Variants in SERPINA12 observed in about 807,000 individuals in gnomAD.
SERPINA12 encodes the protein serpin A12.
SERPINA12 carries 21 observed loss-of-function variants against 25.9 expected under a neutral mutation model. The ratio of observed to expected loss-of-function variants is 0.81; its 90% CI spans 0.58 to 1.17. SERPINA12 has a LOEUF of 1.17. SERPINA12 is among the 50% of genes most tolerant of loss of function. The pLI is 0.00. For synonymous variants in SERPINA12, 220 were observed against 196.0 expected, an observed-to-expected ratio of 1.12 and a Z score of -1.02; for missense variants, 562 against 508.3, an observed-to-expected ratio of 1.11 and a Z score of -1.02.
At chr14:94,496,692 G>T (rs749597387) in intron 2 of SERPINA12, 49 bp from the exon 3 acceptor site, 38 of 1,553,324 alleles carry the variant, frequency 2.4e-5, no homozygotes, top group Non-Finnish European at 2.9e-5. Context: ...GGGAAAAAAG[G>T]TGACTAAATC....
chr14:94,502,497 C>A (rs980583269), intron 1 of SERPINA12, among the ~76,000 whole-genome samples: 1 of 152,154 alleles, frequency 6.6e-6, no homozygotes, highest in African/African-American at 2.4e-5. Flanking sequence ...GCGCTTCCCC[C>A]GTTATCACCA....
chr14:94,511,863 C>G, upstream of SERPINA12: 1 of 301,886 alleles, frequency 3.3e-6, no homozygotes, highest in Non-Finnish European at 4.9e-6. Flanking sequence ...TTTGGGAGGC[C>G]AAGGCAGGTG....
intron 1 of SERPINA12, among the ~76,000 whole-genome samples, chr14:94,503,878 C>T (rs1900834645): frequency 6.6e-6 from 1 of 152,196 alleles, no homozygotes; most frequent in Non-Finnish European, 1.5e-5. Flanking sequence ...TGTCCCAAGA[C>T]TTCTCCCATC....
intron 1 of SERPINA12, among the ~76,000 whole-genome samples, chr14:94,508,421 A>G (rs1056259375): frequency 6.6e-6 from 1 of 152,124 alleles, no homozygotes; most frequent in Non-Finnish European, 1.5e-5. Flanking sequence ...TTTAATGGGA[A>G]GCATTCTGTA....
At chr14:94,492,979 T>C (rs1291709452) in intron 3 of SERPINA12, among the ~76,000 whole-genome samples, 5 of 152,154 alleles carry the variant, frequency 3.3e-5, no homozygotes, top group African/African-American at 9.7e-5. Context: ...AAGCCTAAAT[T>C]CTGACATGTT....
At position 94,496,305 on chromosome 14, in the gene SERPINA12, T is replaced by C. The variant is rs1055843473; in HGVS notation, c.905+68A>G. The C allele has an allele frequency of 2.1e-5, 33 of 1,541,956 alleles. No homozygotes were observed. The African/African-American group carries it at 4.2e-4, about 20-fold the overall frequency. ...GAGGACTTGGCCATGAGGTAAGAGC[T>C]CAGACAGCAGAAATAAGAGGGAAGA... On this transcript the variant is annotated intron_variant, in intron 3 of 4. Coordinates refer to ENST00000677451, the MANE Select transcript of SERPINA12 (RefSeq NM_001382267.1).
chr14:94,502,110 AC>A (rs1209991847), intron 1 of SERPINA12, among the ~76,000 whole-genome samples: 1 of 120,360 alleles, frequency 8.3e-6, no homozygotes, highest in Non-Finnish European at 1.7e-5. Flanking sequence ...CTAAAACAAA[AC>A]CAAGAAAAAA....
chr14:94,502,592 G>C (rs1308593272), intron 1 of SERPINA12, among the ~76,000 whole-genome samples: 1 of 152,234 alleles, frequency 6.6e-6, no homozygotes, highest in Non-Finnish European at 1.5e-5. Flanking sequence ...TGGAACCACA[G>C]TTTTCTTTAG....
chr14:94,501,661 T>TC (rs1249261946), intron 1 of SERPINA12, among the ~76,000 whole-genome samples: 55 of 69,498 alleles, frequency 7.9e-4, no homozygotes, highest in African/African-American at 2.7e-3. Context: ...TGCCACCACC[T>TC]CCCCGCCCCC....
At chr14:94,509,285 C>T (rs1409726644) in intron 1 of SERPINA12, among the ~76,000 whole-genome samples, 57 bp downstream of exon 1, 1 of 137,192 alleles carries the variant, frequency 7.3e-6, no homozygotes. Flanking sequence ...AGACAACACA[C>T]ACACACACAC....
At chr14:94,514,926 G>T (rs1901194623) in intron 2 of SERPINA12, among the ~76,000 whole-genome samples, 1 of 152,216 alleles carries the variant, frequency 6.6e-6, no homozygotes, top group Admixed American at 6.5e-5. Flanking sequence ...ATGAATCAGG[G>T]CCCCGAGGCA....
Position 94,496,444 on chromosome 14 carries a change from G to A in SERPINA12, c.834C>T (p.Gly278=). 6.2e-7 allele frequency: 1 copy of A among 1,614,042 alleles called. No homozygotes were observed. The highest frequency in any genetic ancestry group is 8.5e-7 in the Non-Finnish European group (1 of 1,179,920). The change falls in exon 3 of 5, where the codon GGC becomes GGT. Residue 278 remains glycine (G), a synonymous_variant. Transcript: ENST00000677451. ...ATCCCTTCTCCAAGTGCTTCAGCTTGCCCTCATCAGGAAGGATGAAGATGG... is the reference window on the plus strand; with the variant it reads ...ATCCCTTCTCCAAGTGCTTCAGCTTACCCTCATCAGGAAGGATGAAGATGG... The part of the protein sequence containing the change: ...ITAIFILPDE[G]KLKHLEKGLQ...
Position 94,489,620 on chromosome 14 carries a change from C to G in SERPINA12, c.1053G>C (p.Glu351Asp). Residue 351 changes from glutamate to aspartate, a missense_variant and splice_region_variant, in exon 4 of 5, where the codon GAG (glutamate) becomes GAC (aspartate). Transcript: ENST00000677451. ...TGGAGTCCAGGCTAGGCAGGCTTAC[C>G]TCGCCCACTTTCAGGCTGCGATGAG... ...IAPHRSLKVGEAVHKAELKMD... is the reference protein window; with the variant it reads ...IAPHRSLKVGDAVHKAELKMD... 6.2e-7 allele frequency: 1 copy of G among 1,613,846 alleles called. No individual in the cohort carries two copies. Among genetic ancestry groups the G allele is most frequent in the Non-Finnish European group, 8.5e-7 (1 of 1,179,876 alleles).
intron 1 of SERPINA12, chr14:94,503,254 C>T (rs1276040966): frequency 2.0e-6 from 2 of 984,934 alleles, no homozygotes; most frequent in African/African-American, 1.7e-5. Flanking sequence ...CATAAACAAA[C>T]TCTGATGACC....
chr14:94,494,526 C>T (rs996303168), intron 3 of SERPINA12, among the ~76,000 whole-genome samples: 1 of 148,388 alleles, frequency 6.7e-6, no homozygotes, highest in African/African-American at 2.5e-5. Flanking sequence ...ATTCCAAGAG[C>T]GCTGCCATCC....
chr14:94,511,403 T>C, upstream of SERPINA12: 2 of 985,076 alleles, frequency 2.0e-6, no homozygotes, highest in Non-Finnish European at 2.4e-6. Flanking sequence ...TCATAAGAAT[T>C]TCTTAATATA....
chr14:94,511,036 G>A (rs895573824), upstream of SERPINA12, among the ~76,000 whole-genome samples: 30 of 151,998 alleles, frequency 2.0e-4, no homozygotes, highest in Admixed American at 1.4e-3. Flanking sequence ...AGAAATCACC[G>A]CTAAATAACT....
At chr14:94,500,942 C>T (rs952772457) in intron 1 of SERPINA12, 92 of 982,480 alleles carry the variant, frequency 9.4e-5, no homozygotes, top group Admixed American at 1.2e-4. Flanking sequence ...CTCATGCCTT[C>T]GTAGCTGTGT....
chr14:94,513,928 T>C (rs773018844), upstream of SERPINA12, among the ~76,000 whole-genome samples: 1 of 152,086 alleles, frequency 6.6e-6, no homozygotes, highest in Non-Finnish European at 1.5e-5. Flanking sequence ...TGGAGGTTGC[T>C]CCAGTGGCTC....
Sources: gnomAD v4.1 joint callset for allele counts (sites outside exome capture counted in the v4.1 genomes callset) on GRCh38, gnomAD v4.1.1 for gene constraint, MANE v1.5 for transcripts, NCBI Gene and HGNC (gene_info 2026-07-23, HGNC 2026-07-21) for gene names.